Variants in ASTN2 observed in about 807,000 individuals in gnomAD.
ASTN2 encodes astrotactin 2, also known as astrotactin-2.
A neutral mutation model predicts 139.8 loss-of-function variants in ASTN2; 54 were observed. The ratio of observed to expected loss-of-function variants is 0.39; its 90% CI spans 0.31 to 0.48. The LOEUF is 0.48. Ranked by LOEUF, ASTN2 falls within the 20% of genes least tolerant of loss-of-function variation. The pLI is 0.95. For missense variants in ASTN2, 1,565 were observed against 1,725.1 expected (o/e 0.91, Z 1.64); for synonymous variants, 756 against 719.5 (o/e 1.05, Z -0.81).
At chr9:116,901,629 G>A (rs975750918) in intron 10 of ASTN2, among the ~76,000 whole-genome samples, 1 of 152,212 alleles carries the variant, frequency 6.6e-6, no homozygotes, top group Non-Finnish European at 1.5e-5. Context: ...TTAATGTGCA[G>A]TATATAATAG....
intron 13 of ASTN2, among the ~76,000 whole-genome samples, chr9:116,783,230 T>C (rs532139096): frequency 6.6e-6 from 1 of 151,998 alleles, no homozygotes; most frequent in East Asian, 1.9e-4. Flanking sequence ...CTTTTTTTTT[T>C]AAACAAGTCT....
chr9:116,732,576 C>T (rs1189296463), intron 14 of ASTN2, among the ~76,000 whole-genome samples: 1 of 152,160 alleles, frequency 6.6e-6, no homozygotes, highest in African/African-American at 2.4e-5. Context: ...AGGCACACAA[C>T]CACAGTATCA....
At chr9:117,299,009 A>G (rs1834809765) in intron 1 of ASTN2, among the ~76,000 whole-genome samples, 1 of 152,088 alleles carries the variant, frequency 6.6e-6, no homozygotes, top group Non-Finnish European at 1.5e-5. Context: ...AACATCCTGG[A>G]GCATGCACAT....
intron 19 of ASTN2, among the ~76,000 whole-genome samples, chr9:116,516,384 C>T (rs538992165): frequency 3.6e-4 from 55 of 152,278 alleles, no homozygotes; most frequent in African/African-American, 1.3e-3. Context: ...TCATCATCAT[C>T]ATTTACACTT....
chr9:117,168,070 A>G (rs1028390649), intron 3 of ASTN2, among the ~76,000 whole-genome samples: 1 of 152,038 alleles, frequency 6.6e-6, no homozygotes, highest in Non-Finnish European at 1.5e-5. Context: ...AGTTTTTTTC[A>G]CCTCTAAAAT....
At chr9:116,503,274 C>T (rs1849966356) in intron 19 of ASTN2, among the ~76,000 whole-genome samples, 1 of 151,912 alleles carries the variant, frequency 6.6e-6, no homozygotes, top group Non-Finnish European at 1.5e-5. Context: ...GGAAGCTTTA[C>T]TTCTGGTCTC....
chr9:116,859,684 G>T (rs1313399273), intron 11 of ASTN2, among the ~76,000 whole-genome samples: 1 of 152,204 alleles, frequency 6.6e-6, no homozygotes, highest in Non-Finnish European at 1.5e-5. Context: ...TCCTTACCAG[G>T]CTACGCCCAT....
chr9:116,903,024 G>A (rs903125195), intron 10 of ASTN2, among the ~76,000 whole-genome samples: 1 of 152,080 alleles, frequency 6.6e-6, no homozygotes, highest in Non-Finnish European at 1.5e-5. Context: ...TCTGCCTCAG[G>A]GCCTTTGCAC....
intron 2 of ASTN2, among the ~76,000 whole-genome samples, chr9:117,267,618 TA>T (rs1165018214): frequency 1.3e-5 from 2 of 152,152 alleles, no homozygotes; most frequent in East Asian, 1.9e-4. Context: ...TAAAAAATCT[TA>T]AAAAATGCAA....
At chr9:116,884,586 C>A (rs1833541127) in intron 10 of ASTN2, among the ~76,000 whole-genome samples, 1 of 151,994 alleles carries the variant, frequency 6.6e-6, no homozygotes, top group African/African-American at 2.4e-5. Flanking sequence ...TCTGGGGAAT[C>A]TCTTGAACCC....
At position 117,083,671 on chromosome 9, in the gene ASTN2, G is replaced by C. The variant is rs541436280; in HGVS notation, c.1276+12373C>G. ...ACAGTCTCTCATTCTAAGGAAAGGC[G>C]GGTGGGGGAATCCTGCTGAGCCTAG... On this transcript the variant is annotated intron_variant, in intron 5 of 22. Coordinates refer to ENST00000313400, the MANE Select transcript of ASTN2 (RefSeq NM_001365068.1). 2.6e-5 allele frequency among the ~76,000 whole-genome samples: 4 copies of C among 152,308 alleles called. No homozygotes were observed. In the South Asian group the frequency reaches 6.2e-4, roughly 24 times the overall value.
intron 10 of ASTN2, among the ~76,000 whole-genome samples, chr9:116,919,859 T>C (rs539372642): frequency 7.8e-4 from 118 of 151,264 alleles, no homozygotes; most frequent in Non-Finnish European, 1.3e-3. Flanking sequence ...GAGGATTGCT[T>C]GAGCCCAGGA....
intron 16 of ASTN2, among the ~76,000 whole-genome samples, chr9:116,715,866 G>A (rs770927849): frequency 4.6e-5 from 7 of 152,104 alleles, no homozygotes; most frequent in Non-Finnish European, 1.0e-4. Context: ...AGGGCCCCCT[G>A]GGGTGTGGTA....
intron 1 of ASTN2, among the ~76,000 whole-genome samples, chr9:117,398,886 A>G (rs888070368): frequency 6.6e-5 from 10 of 152,268 alleles, no homozygotes; most frequent in Middle Eastern, 3.4e-3. Flanking sequence ...GGTTCAAGCA[A>G]TTCTCCTACC....
chr9:116,685,162 G>T (rs1209830936), intron 16 of ASTN2, among the ~76,000 whole-genome samples: 1 of 152,104 alleles, frequency 6.6e-6, no homozygotes, highest in Non-Finnish European at 1.5e-5. Flanking sequence ...GCACTTGATG[G>T]ATCAGCTGGC....
At chr9:117,226,260 A>C (rs1832708913) in intron 2 of ASTN2, among the ~76,000 whole-genome samples, 1 of 152,156 alleles carries the variant, frequency 6.6e-6, no homozygotes, top group Non-Finnish European at 1.5e-5. Flanking sequence ...TCTGGAGTTG[A>C]TGGCCTTGGG....
In ASTN2 at chr9:116,698,125, A is replaced by C. The variant is rs1458407145; in HGVS notation, c.2806+27646T>G. On this transcript the variant is annotated intron_variant, in intron 16 of 22. Transcript: ENST00000313400. The surrounding 1 kb of genome is among the most constrained non-coding windows in gnomAD (Gnocchi z 4.4). Reference sequence around the variant, plus strand: ...TGTGAGCCCTGCCGGGAGGCAGACCATCAGCCTCCTGGCCACTGTACACTC... The same window carrying C: ...TGTGAGCCCTGCCGGGAGGCAGACCCTCAGCCTCCTGGCCACTGTACACTC... 1.2e-6 allele frequency: 2 copies of C among 1,614,122 alleles called. No homozygotes were observed. The highest frequency in any genetic ancestry group is 2.2e-5 in the South Asian group (2 of 91,080).
intron 6 of ASTN2, among the ~76,000 whole-genome samples, chr9:117,016,144 T>G (rs1004200741): frequency 1.1e-4 from 16 of 152,096 alleles, no homozygotes; most frequent in African/African-American, 3.9e-4. Context: ...TGAGAATGTA[T>G]GTTATAATCA....
rs1331749079 is a variant in ASTN2 at position 116,750,972 on chromosome 9, G to A, written c.2397-17449C>T. Among the ~76,000 whole-genome samples, 7 of 152,214 alleles carry A rather than the reference G, an allele frequency of 4.6e-5. No individual in the cohort carries two copies. The East Asian group carries it at 1.4e-3, about 29-fold the overall frequency. ...ATTGAATCCAGTTTGTAAGACCCTG[G>A]ATCCAGCTTCCCACCTTCTTAGATA... On this transcript the variant is annotated intron_variant, in intron 13 of 22. Transcript: ENST00000313400.
Sources: allele counts gnomAD v4.1 joint callset (sites outside exome capture counted in the v4.1 genomes callset), GRCh38; gene constraint gnomAD v4.1.1; non-coding constraint Gnocchi (gnomAD v3.1); transcripts MANE v1.5; gene names NCBI Gene and HGNC (gene_info 2026-07-23, HGNC 2026-07-21).